The following GNG7 variants were observed in gnomAD, a reference collection of about 807,000 sequenced individuals.
GNG7 encodes the protein G protein subunit gamma 7, also known as guanine nucleotide-binding protein G(I)/G(S)/G(O) subunit gamma-7.
GNG7 carries 1 observed loss-of-function variant against 4.0 expected under a neutral mutation model. The observed-to-expected ratio is 0.25, with a 90% confidence interval of 0.09 to 1.18. The LOEUF is 1.18. Ranked by LOEUF, GNG7 falls within the 50% of genes most tolerant of loss-of-function variation. The pLI, the probability that GNG7 is intolerant of heterozygous loss-of-function variation, is 0.50. For synonymous variants in GNG7, 34 were observed against 36.9 expected (o/e 0.92, Z 0.29); for missense variants, 86 against 91.9 (o/e 0.94, Z 0.26).
chr19:2,620,788 C>T (rs1981848834), intron 2 of GNG7, among the ~76,000 whole-genome samples: 1 of 152,124 alleles, frequency 6.6e-6, no homozygotes, highest in African/African-American at 2.4e-5. Flanking sequence ...TTGCAGTGAG[C>T]CGAAATCGTG....
At chr19:2,612,022 C>A (rs1489826905) in intron 2 of GNG7, among the ~76,000 whole-genome samples, 1 of 151,814 alleles carries the variant, frequency 6.6e-6, no homozygotes, top group Non-Finnish European at 1.5e-5. Flanking sequence ...CTACAGGCAC[C>A]CGCCACCACG....
intron 1 of GNG7, among the ~76,000 whole-genome samples, chr19:2,675,224 G>C (rs186937107): frequency 6.6e-6 from 1 of 152,140 alleles, no homozygotes; most frequent in African/African-American, 2.4e-5. Context: ...AATTCCTGTC[G>C]TGCCCCTGAA....
At chr19:2,692,314 T>G (rs560228470) in intron 1 of GNG7, among the ~76,000 whole-genome samples, 3 of 152,216 alleles carry the variant, frequency 2.0e-5, no homozygotes, top group Admixed American at 2.0e-4. Context: ...CTGGCTTTGT[T>G]GTCCATCAAG....
intron 1 of GNG7, among the ~76,000 whole-genome samples, chr19:2,661,007 T>C (rs1343824816): frequency 6.7e-6 from 1 of 148,762 alleles, no homozygotes. Context: ...AGGTTGGGAG[T>C]TCGAGGTCAG....
At chr19:2,683,989 G>A (rs545005878) in intron 1 of GNG7, among the ~76,000 whole-genome samples, 2 of 152,264 alleles carry the variant, frequency 1.3e-5, no homozygotes, top group Non-Finnish European at 2.9e-5. Context: ...AAATCCCACC[G>A]GGCACAGAAG....
At chr19:2,535,741 T>C in intron 3 of GNG7, among the ~76,000 whole-genome samples, 1 of 152,152 alleles carries the variant, frequency 6.6e-6, no homozygotes, top group East Asian at 1.9e-4. Flanking sequence ...TGACTCGGAA[T>C]TCCTAGAACA....
chr19:2,619,977 C>T (rs1237494925), intron 2 of GNG7, among the ~76,000 whole-genome samples: 1 of 151,358 alleles, frequency 6.6e-6, no homozygotes, highest in Non-Finnish European at 1.5e-5. Context: ...GGGCGCGGAT[C>T]ACCTGAGGTC....
intron 2 of GNG7, among the ~76,000 whole-genome samples, chr19:2,568,490 GCA>G (rs1364664563): frequency 7.0e-6 from 1 of 143,090 alleles, no homozygotes; most frequent in African/African-American, 2.6e-5. Flanking sequence ...ACAGACTTAC[GCA>G]CATACACAGG....
chr19:2,692,144 G>A (rs1913148954), intron 1 of GNG7, among the ~76,000 whole-genome samples: 1 of 152,196 alleles, frequency 6.6e-6, no homozygotes, highest in Admixed American at 6.5e-5. Flanking sequence ...GACGGCGGCA[G>A]CCCCAGGCTC....
intron 2 of GNG7, chr19:2,632,870 A>G (rs1203061975): frequency 6.6e-6 from 1 of 152,280 alleles, no homozygotes; most frequent in Non-Finnish European, 1.5e-5. Flanking sequence ...TGAAGTCATT[A>G]CGAGGCTCAT....
intron 2 of GNG7, among the ~76,000 whole-genome samples, chr19:2,627,770 C>T: frequency 6.6e-6 from 1 of 152,234 alleles, no homozygotes; most frequent in East Asian, 1.9e-4. Context: ...CCTTCTGAGC[C>T]TCACAGTTAT....
chr19:2,542,143 C>G (rs1302706321), intron 3 of GNG7, among the ~76,000 whole-genome samples: 2 of 109,610 alleles, frequency 1.8e-5, no homozygotes, highest in Non-Finnish European at 3.4e-5. Flanking sequence ...GAGATGGAGT[C>G]TTGCTCTGTC....
At chr19:2,698,893 G>T (rs925960570) in intron 1 of GNG7, among the ~76,000 whole-genome samples, 1 of 152,132 alleles carries the variant, frequency 6.6e-6, no homozygotes, top group African/African-American at 2.4e-5. Context: ...CAGGGTTTAC[G>T]AAGCATGAAA....
intron 1 of GNG7, among the ~76,000 whole-genome samples, chr19:2,657,337 TAAAAAAAAAAAAAAAA>T (rs372388972): frequency 0.054 from 751 of 13,888 alleles, 33 homozygotes; most frequent in South Asian, 0.082. Context: ...CCGTCTCAAT[TAAAAAAAAAAAAAAAA>T]AAAAAAAAAT....
rs550343761 is a variant in GNG7, at chr19:2,536,287, G to A, written c.-37-15562C>T. Among the ~76,000 whole-genome samples, 36 of 151,946 alleles carry A rather than the reference G, an allele frequency of 2.4e-4. 1 individual carries two copies. The South Asian group carries it at 5.8e-3, about 25-fold the overall frequency. On this transcript the variant is annotated intron_variant, in intron 3 of 4. Coordinates refer to ENST00000382159, the MANE Select transcript of GNG7 (RefSeq NM_052847.3). ...AAAAACAGTAGCTGGGTGTGGTGGCGGGCGCCTGTAGTCCCAGCTACTCAG... is the reference window on the plus strand; with the variant it reads ...AAAAACAGTAGCTGGGTGTGGTGGCAGGCGCCTGTAGTCCCAGCTACTCAG...
At chr19:2,605,196 G>A in intron 2 of GNG7, among the ~76,000 whole-genome samples, 1 of 151,750 alleles carries the variant, frequency 6.6e-6, no homozygotes, top group East Asian at 1.9e-4. Flanking sequence ...TCTCACTGTT[G>A]TTTTTTTTGT....
chr19:2,520,041 CATG>C (rs1252484628), intron 4 of GNG7, among the ~76,000 whole-genome samples: 21 of 152,094 alleles, frequency 1.4e-4, no homozygotes, highest in Non-Finnish European at 4.4e-5. Context: ...ATTAGCCAGG[CATG>C]GTGGTGCATG....
At chr19:2,603,068 T>G (rs1981262770) in intron 2 of GNG7, among the ~76,000 whole-genome samples, 1 of 151,622 alleles carries the variant, frequency 6.6e-6, no homozygotes, top group Non-Finnish European at 1.5e-5. Flanking sequence ...TTTTCTGTTC[T>G]GTTCTGTTCT....
chr19:2,580,647 C>G (rs1980476249), intron 2 of GNG7, among the ~76,000 whole-genome samples: 1 of 152,086 alleles, frequency 6.6e-6, no homozygotes, highest in African/African-American at 2.4e-5. Context: ...GTTACCCAGG[C>G]TGGAGTGCAG....
Sources: allele counts gnomAD v4.1 joint callset (sites outside exome capture counted in the v4.1 genomes callset), GRCh38; gene constraint gnomAD v4.1.1; transcripts MANE v1.5; gene names NCBI Gene and HGNC (gene_info 2026-07-23, HGNC 2026-07-21).